The following CCDC80 variants were observed in gnomAD, a reference collection of about 807,000 sequenced individuals.
CCDC80 encodes the protein coiled-coil domain-containing protein 80.
CCDC80 carries 49 observed loss-of-function variants against 78.7 expected under a neutral mutation model. The ratio of observed to expected loss-of-function variants is 0.62; its 90% confidence interval spans 0.50 to 0.79. The LOEUF is 0.79. Ranked by LOEUF, CCDC80 falls within the 30% of genes least tolerant of loss-of-function variation. The probability of loss-of-function intolerance (pLI) is 0.00; values close to 1 mark genes in which losing one functional copy is unlikely to be tolerated. For synonymous variants in CCDC80, 488 were observed against 447.0 expected, an observed-to-expected ratio of 1.09 and a Z score of -1.16; for missense variants, 1,205 against 1,198.6, an observed-to-expected ratio of 1.01 and a Z score of -0.08.
intron 2 of CCDC80, among the ~76,000 whole-genome samples, chr3:112,636,103 T>C (rs897790360): frequency 1.3e-5 from 2 of 152,212 alleles, no homozygotes; most frequent in Non-Finnish European, 2.9e-5. Context: ...GTTGGCTAAA[T>C]GAACAGAGTT....
chr3:112,607,474 A>AAG (rs1339672466), intron 6 of CCDC80, among the ~76,000 whole-genome samples: 1 of 152,204 alleles, frequency 6.6e-6, no homozygotes, highest in Non-Finnish European at 1.5e-5. Flanking sequence ...ATTCTACTAA[A>AAG]TGACAAAAAA....
Position 112,597,876 on chromosome 3 carries a change from C to T in CCDC80, c.*7541G>A, listed in dbSNP as rs1265546988. The T allele has an allele frequency of 1.3e-5, 2 of 152,180 alleles. No individual in the cohort carries two copies. Among genetic ancestry groups the T allele is most frequent in the Admixed American group, 6.5e-5 (1 of 15,270 alleles). The allele number at this position is 152,180 out of a possible 1,614,324, so 9.4% of individuals were successfully genotyped here. On this transcript the variant is annotated 3_prime_UTR_variant, in exon 8 of 8. Transcript: ENST00000206423. Reference sequence around the variant, plus strand: ...AGTTTATAATTAACGGCGTACCTAACTGTTCTCTACTAGTCTGAGCCTCTG... The same window carrying T: ...AGTTTATAATTAACGGCGTACCTAATTGTTCTCTACTAGTCTGAGCCTCTG...
Position 112,639,203 on chromosome 3 carries a change from T to G in CCDC80, c.703A>C (p.Met235Leu). 1 of 1,614,146 alleles carries G rather than the reference T, an allele frequency of 6.2e-7. No homozygotes were observed. The highest frequency in any genetic ancestry group is 8.5e-7 in the Non-Finnish European group (1 of 1,180,020). Residue 235 changes from methionine (M) to leucine (L), a missense_variant, in exon 2 of 8, where the codon ATG (methionine) becomes CTG (leucine). Transcript: ENST00000206423. ...FLKLEKGKFG[M>L]VLLKKTLQVE... ...TGCAGCGTCTTCTTCAGCAGCACCA[T>G]GCCAAACTTGCCCTTCTCCAGCTTC...
At chr3:112,629,857 A>G (rs537953667) in intron 3 of CCDC80, among the ~76,000 whole-genome samples, 1 of 151,856 alleles carries the variant, frequency 6.6e-6, no homozygotes, top group East Asian at 1.9e-4. Flanking sequence ...TACTTTTCCC[A>G]TTTTCTTCCA....
Position 112,619,055 on chromosome 3 carries a change from C to T in CCDC80, c.2085G>A (p.Gln695=). The change falls in exon 4 of 8, where the codon CAG becomes CAA. Residue 695 remains glutamine (Q), a synonymous_variant. Coordinates refer to ENST00000206423, the MANE Select transcript of CCDC80 (RefSeq NM_199511.3). ...RVVDDEDLVD[Q]RLISELRKEY... is the part of the protein sequence containing the mutation. ...CTTTCCTCAGCTCGCTGATGAGACG[C>T]TGGTCTACCAAGTCTTCATCATCCA... 1 of 1,609,932 alleles carries T rather than the reference C, an allele frequency of 6.2e-7. No homozygotes were observed. Among genetic ancestry groups the T allele is most frequent in the Non-Finnish European group, 8.5e-7 (1 of 1,178,726 alleles).
At chr3:112,613,190 C>A (rs953572170) in intron 5 of CCDC80, among the ~76,000 whole-genome samples, 2 of 152,076 alleles carry the variant, frequency 1.3e-5, no homozygotes, top group African/African-American at 2.4e-5. Flanking sequence ...AATAGAGGAA[C>A]CTGGAATCAA....
intron 5 of CCDC80, among the ~76,000 whole-genome samples, chr3:112,610,586 G>A (rs1382439832): frequency 2.0e-5 from 3 of 152,080 alleles, no homozygotes; most frequent in African/African-American, 7.2e-5. Flanking sequence ...ATGGGAGAGT[G>A]GTTTAAAGGT....
intron 2 of CCDC80, among the ~76,000 whole-genome samples, chr3:112,637,292 G>T (rs1225939903): frequency 6.6e-6 from 1 of 152,174 alleles, no homozygotes; most frequent in Non-Finnish European, 1.5e-5. Flanking sequence ...ACCGGAAATT[G>T]AAGCAATTAA....
At chr3:112,619,307 T>C (rs1277935749) in intron 3 of CCDC80, among the ~76,000 whole-genome samples, 1 of 152,174 alleles carries the variant, frequency 6.6e-6, no homozygotes, top group Non-Finnish European at 1.5e-5. Context: ...AAAGCTACTC[T>C]TCTATAGATG....
rs1269828092 is a variant in CCDC80, at chr3:112,605,559, G to A, written c.2711C>T (p.Ala904Val). Residue 904 changes from alanine (A) to valine (V), a missense_variant, in exon 8 of 8, where the codon GCG becomes GTG. Transcript: ENST00000206423. ...GCGCATCCCCAGTGACTGCTGAATC[G>A]CCATTTCCTGTCTCCGAAGTTGCAT... is the stretch of plus-strand genomic sequence containing the variant. The part of the protein sequence containing the change: ...DSMQLRRQEM[A>V]IQQSLGMRCP... The A allele has an allele frequency of 6.2e-7, 1 of 1,614,104 alleles. No homozygotes were observed. The highest frequency in any genetic ancestry group is 1.3e-5 in the African/African-American group (1 of 74,982).
In CCDC80 at chr3:112,639,534, T is replaced by G; in HGVS notation, c.372A>C (p.Ser124=). The part of the protein sequence containing the change: ...PREMIRDEGS[S]ARSRMLRFPS... ...GGAAACGCAACATTCTTGACCGAGC[T>G]GAGGACCCCTCATCTCTGATCATCT... Residue 124 remains serine, a synonymous_variant, in exon 2 of 8, where the codon TCA becomes TCC. Transcript: ENST00000206423. 1.2e-6 allele frequency: 2 copies of G among 1,614,184 alleles called. No homozygotes were observed. The highest frequency in any genetic ancestry group is 1.7e-6 in the Non-Finnish European group (2 of 1,180,034).
intron 2 of CCDC80, among the ~76,000 whole-genome samples, chr3:112,632,676 A>G (rs1444216639): frequency 6.6e-6 from 1 of 152,188 alleles, no homozygotes; most frequent in African/African-American, 2.4e-5. Flanking sequence ...AGCTCTATAC[A>G]CAGTGGCATG....
rs1429339223 is a variant in CCDC80, at chr3:112,638,528, G to A, written c.1378C>T (p.Pro460Ser). The A allele has an allele frequency of 1.9e-6, 3 of 1,614,080 alleles. No individual in the cohort carries two copies. The highest frequency in any genetic ancestry group is 2.2e-5 in the South Asian group (2 of 91,066). Residue 460 changes from proline (P) to serine (S), a missense_variant, in exon 2 of 8, where the codon CCA becomes TCA. Pro to Ser is a moderately conservative substitution (Grantham distance 74). Coordinates refer to ENST00000206423, the MANE Select transcript of CCDC80 (RefSeq NM_199511.3). ...ATGCGGTTGTCCCGGAAACGGCCTG[G>A]GCCAGCAGCCCTTGTGCTGGGTTCT... Reference protein sequence around the residue: ...ISEPSTRAAGPGRFRDNRMDR... With the variant: ...ISEPSTRAAGSGRFRDNRMDR...
At chr3:112,633,327 A>G (rs559276647) in intron 2 of CCDC80, among the ~76,000 whole-genome samples, 1 of 152,074 alleles carries the variant, frequency 6.6e-6, no homozygotes, top group East Asian at 1.9e-4. Context: ...GCCCTTCTCT[A>G]AATCTCATTC....
In CCDC80 at chr3:112,639,633, C is replaced by A. The variant is rs760498496; in HGVS notation, c.273G>T (p.Pro91=). 3 of 1,614,048 alleles carry A rather than the reference C, an allele frequency of 1.9e-6. No individual in the cohort carries two copies. Among genetic ancestry groups the A allele is most frequent in the Admixed American group, 1.7e-5 (1 of 60,014 alleles). Residue 91 remains proline (P), a synonymous_variant, in exon 2 of 8, where the codon CCG becomes CCT. Coordinates refer to ENST00000206423, the MANE Select transcript of CCDC80 (RefSeq NM_199511.3). ...PVLRLARPTE[P]PARSDINGAA... ...CCCCATTGATGTCCGAGCGGGCTGGCGGCTCTGTTGGGCGAGCTAGTCTCA... is the reference window on the plus strand; with the variant it reads ...CCCCATTGATGTCCGAGCGGGCTGGAGGCTCTGTTGGGCGAGCTAGTCTCA...
intron 6 of CCDC80, among the ~76,000 whole-genome samples, chr3:112,609,445 G>A (rs1935578178): frequency 6.6e-6 from 1 of 152,104 alleles, no homozygotes; most frequent in South Asian, 2.1e-4. Flanking sequence ...TTAGTGCTCA[G>A]TTATAGATAA....
chr3:112,605,724 A>G lies in CCDC80; in HGVS notation c.2546T>C (p.Leu849Ser), dbSNP rs1244561035. 2 of 1,614,106 alleles carry G rather than the reference A, an allele frequency of 1.2e-6. No homozygotes were observed. The highest frequency in any genetic ancestry group is 2.7e-5 in the African/African-American group (2 of 74,942). ...VVEREDVPAH[L>S]VKDIRNYFQV... is the part of the protein sequence containing the mutation. ...AAAATAGTTACGAATGTCTTTCACC[A>G]AATGGGCTGGTACGTCTTCTCGCTC... The change falls in exon 8 of 8, where the codon TTG (leucine) becomes TCG (serine). Residue 849 changes from leucine to serine, a missense_variant. Leu to Ser is a moderately radical substitution (Grantham distance 145, BLOSUM62 -2). Coordinates refer to ENST00000206423, the MANE Select transcript of CCDC80 (RefSeq NM_199511.3).
intron 3 of CCDC80, among the ~76,000 whole-genome samples, chr3:112,622,066 T>C (rs891935864): frequency 2.0e-5 from 3 of 152,154 alleles, no homozygotes; most frequent in African/African-American, 4.8e-5. Flanking sequence ...AGGTTAATGA[T>C]AGAGTGAGGT....
At position 112,629,989 on chromosome 3, in the gene CCDC80, C is replaced by T. The variant is rs954691950; in HGVS notation, c.2035+124G>A. 36 of 862,492 alleles carry T rather than the reference C, an allele frequency of 4.2e-5. No homozygotes were observed. The African/African-American group carries it at 5.8e-4, about 14-fold the overall frequency. 53.4% of individuals were successfully genotyped at this position (862,492 alleles called of 1,614,324 possible). A position where few individuals can be genotyped will look rare whatever the true frequency, so the allele number is the denominator to read the frequency against. ...AAGCAGGCAAACTGACCTGTGTTATCACAACCAAAGAGCCCTCTGAACATC... is the reference window on the plus strand; with the variant it reads ...AAGCAGGCAAACTGACCTGTGTTATTACAACCAAAGAGCCCTCTGAACATC... On this transcript the variant is annotated intron_variant, in intron 3 of 7. Transcript: ENST00000206423.
Sources: gnomAD v4.1 joint callset for allele counts (sites outside exome capture counted in the v4.1 genomes callset) on GRCh38, gnomAD v4.1.1 for gene constraint, MANE v1.5 for transcripts, NCBI Gene and HGNC (gene_info 2026-07-23, HGNC 2026-07-21) for gene names.